The following DNPEP variants were observed in gnomAD, a reference collection of about 807,000 sequenced individuals.
DNPEP encodes aspartyl aminopeptidase.
DNPEP carries 46 observed loss-of-function variants against 59.1 expected under a neutral mutation model. The observed-to-expected ratio is 0.78, with a 90% CI of 0.61 to 0.99. DNPEP has a LOEUF of 0.99. Ranked by LOEUF, DNPEP falls within the 50% of genes least tolerant of loss-of-function variation. The pLI, the probability that DNPEP is intolerant of heterozygous loss-of-function variation, is 0.00. For missense variants in DNPEP, 617 were observed against 649.9 expected (o/e 0.95, Z 0.55); for synonymous variants, 229 against 242.2 (o/e 0.95, Z 0.50).
upstream of DNPEP, among the ~76,000 whole-genome samples, chr2:219,392,972 C>T (rs1954042232): frequency 6.6e-6 from 1 of 152,190 alleles, no homozygotes; most frequent in South Asian, 2.1e-4. Context: ...AAAACCCCAA[C>T]CCTGACTGCA....
At chr2:219,381,705 C>A (rs1408553927) in intron 11 of DNPEP, 121 bp from the exon 12 acceptor site, 1 of 1,175,714 alleles carries the variant, frequency 8.5e-7, no homozygotes, top group Non-Finnish European at 1.3e-6. Flanking sequence ...CCCAGTGGGA[C>A]TTCAGAGTCA....
In DNPEP at chr2:219,374,900, C is replaced by A. The variant is rs1953307956; in HGVS notation, c.1362G>T (p.Glu454Asp). Residue 454 changes from glutamate (E) to aspartate (D), a missense_variant, in exon 14 of 15, where the codon GAG becomes GAT. Transcript: ENST00000273075. ...GGAGGACTCCTGTGGTGCAGGCCAT[C>A]TCCCGGATAGAGTGCATGGCCAGTT... ...SPQLAMHSIR[E>D]MACTTGVLQT... is the part of the protein sequence containing the mutation. 6.2e-7 allele frequency: 1 copy of A among 1,614,106 alleles called. No homozygotes were observed. Among genetic ancestry groups the A allele is most frequent in the Non-Finnish European group, 8.5e-7 (1 of 1,180,048 alleles).
intron 13 of DNPEP, among the ~76,000 whole-genome samples, chr2:219,376,435 C>G (rs1014350873): frequency 6.7e-6 from 1 of 149,742 alleles, no homozygotes; most frequent in African/African-American, 2.5e-5. Flanking sequence ...TTGCAGTGAG[C>G]TGAGATTGCG....
intron 5 of DNPEP, 61 bp downstream of exon 5, chr2:219,386,225 C>T: frequency 6.2e-7 from 1 of 1,612,726 alleles, no homozygotes. Context: ...CACGGGTACC[C>T]TGAGGAGTGT....
intron 10 of DNPEP, among the ~76,000 whole-genome samples, chr2:219,382,602 C>T (rs980519938): frequency 6.6e-6 from 1 of 152,186 alleles, no homozygotes; most frequent in Middle Eastern, 3.2e-3. Context: ...GCCCTTAAAG[C>T]CAGGGGGTGT....
At chr2:219,381,918 G>T in intron 11 of DNPEP, 61 bp downstream of exon 11, 1 of 1,588,506 alleles carries the variant, frequency 6.3e-7, no homozygotes, top group South Asian at 1.1e-5. Flanking sequence ...AGAGCCTCAA[G>T]GCAGGTTATG....
intron 1 of DNPEP, among the ~76,000 whole-genome samples, chr2:219,398,240 G>A (rs922196434): frequency 2.6e-5 from 4 of 152,232 alleles, no homozygotes; most frequent in Non-Finnish European, 4.4e-5. Flanking sequence ...ATTTTGAACC[G>A]TGAGCAACTT....
chr2:219,381,723 C>T lies in DNPEP; in HGVS notation c.1098-139G>A, dbSNP rs1574979082. The T allele has an allele frequency of 3.7e-6, 4 of 1,071,852 alleles. No individual in the cohort carries two copies. The East Asian group carries it at 9.6e-5, about 26-fold the overall frequency. The allele number at this position is 1,071,852 out of a possible 1,614,324, so 66.4% of individuals were successfully genotyped here. A position where few individuals can be genotyped will look rare whatever the true frequency, so the allele number is the denominator to read the frequency against. ...AGTGGGACTTCAGAGTCATTCCACA[C>T]ACAGGGTTCCGGGCAGCCTCTAGCA... On this transcript the variant is annotated intron_variant, in intron 11 of 14. Transcript: ENST00000273075.
Position 219,373,259 on chromosome 2 carries a change from G to A in DNPEP, c.*1033C>T, listed in dbSNP as rs373584703. On this transcript the variant is annotated 3_prime_UTR_variant, in exon 15 of 15. Coordinates refer to ENST00000273075, the MANE Select transcript of DNPEP (RefSeq NM_012100.4). ...AATTTTGTATTTTTAGCAGGGACAGGGTTTCTCCATGTTGGTCAGGCTGGT... is the reference window on the plus strand; with the variant it reads ...AATTTTGTATTTTTAGCAGGGACAGAGTTTCTCCATGTTGGTCAGGCTGGT... Among the ~76,000 whole-genome samples the A allele has an allele frequency of 2.6e-5, 4 of 151,856 alleles. No homozygotes were observed. The East Asian group carries it at 7.7e-4, about 29-fold the overall frequency.
upstream of DNPEP, among the ~76,000 whole-genome samples, chr2:219,389,245 T>A (rs780575427): frequency 6.6e-6 from 1 of 152,116 alleles, no homozygotes; most frequent in Non-Finnish European, 1.5e-5. Context: ...GTAGCACGTT[T>A]AAACCCCATG....
At chr2:219,387,515 C>A in intron 1 of DNPEP, 1 of 1,440,728 alleles carries the variant, frequency 6.9e-7, no homozygotes, top group Non-Finnish European at 9.1e-7. Flanking sequence ...CGTGCGCGTA[C>A]CCAGCCCGGA....
chr2:219,374,999 G>A lies in DNPEP; in HGVS notation c.1263C>T (p.Thr421=). 1.2e-6 allele frequency: 2 copies of A among 1,614,062 alleles called. No individual in the cohort carries two copies. Among genetic ancestry groups the A allele is most frequent in the Non-Finnish European group, 1.7e-6 (2 of 1,180,024 alleles). Residue 421 remains threonine (T), a synonymous_variant, in exon 14 of 15, where the codon ACC becomes ACT. Coordinates refer to ENST00000273075, the MANE Select transcript of DNPEP (RefSeq NM_012100.4). ...PLQDLMVRND[T]PCGTTIGPIL... is the part of the protein sequence containing the mutation. ...TAGGTCCAATGGTGGTTCCACAGGG[G>A]GTGTCATTCCGGACCATGAGATCCT...
chr2:219,381,772 C>CA (rs955217147), intron 11 of DNPEP, 188 bp from the exon 12 acceptor site: 12 of 861,250 alleles, frequency 1.4e-5, no homozygotes, highest in Non-Finnish European at 2.0e-5. Context: ...AGTTTGTAGA[C>CA]AAAGGTGTAT....
At chr2:219,383,839 A>C (rs1219515649) in intron 9 of DNPEP, among the ~76,000 whole-genome samples, 3 of 152,222 alleles carry the variant, frequency 2.0e-5, no homozygotes, top group African/African-American at 7.2e-5. Flanking sequence ...GGAAAGGCAG[A>C]AAAAGGCAGA....
At chr2:219,387,663 C>T (rs1389932476) in intron 1 of DNPEP, 96 bp downstream of exon 1, 2 of 1,569,772 alleles carry the variant, frequency 1.3e-6, no homozygotes, top group Non-Finnish European at 1.7e-6. Flanking sequence ...TTGGGTCAGG[C>T]GGCCCCACTG....
intron 13 of DNPEP, 61 bp downstream of exon 13, chr2:219,381,274 T>C (rs1289629177): frequency 4.8e-6 from 7 of 1,451,640 alleles, no homozygotes; most frequent in Non-Finnish European, 6.8e-6. Context: ...GGGGGGCCCA[T>C]CTGTTTGTGC....
intron 13 of DNPEP, among the ~76,000 whole-genome samples, chr2:219,380,813 TATAC>T (rs1953561103): frequency 1.3e-5 from 1 of 78,828 alleles, no homozygotes; most frequent in African/African-American, 3.6e-5. Context: ...TCATGTGTTA[TATAC>T]ATACATGTAT....
Position 219,386,039 on chromosome 2 carries a change from G to A in DNPEP, c.519C>T (p.Arg173=). ...GCAGATGGATGGCCAGGTGTGGGAT[G>A]CGAAGAATGGGCCGCTCCACGTGCA... The part of the protein sequence containing the change: ...QLVHVERPIL[R]IPHLAIHLQR... The change falls in exon 6 of 15, where the codon CGC becomes CGT. Residue 173 remains arginine (R), a synonymous_variant. Transcript: ENST00000273075. 2.5e-6 allele frequency: 4 copies of A among 1,614,166 alleles called. No homozygotes were observed. Among genetic ancestry groups the A allele is most frequent in the Non-Finnish European group, 3.4e-6 (4 of 1,180,020 alleles).
chr2:219,374,997 G>A lies in DNPEP; in HGVS notation c.1265C>T (p.Pro422Leu), dbSNP rs200988234. 1.9e-6 allele frequency: 3 copies of A among 1,614,000 alleles called. No homozygotes were observed. The highest frequency in any genetic ancestry group is 1.7e-6 in the Non-Finnish European group (2 of 1,180,048). Residue 422 changes from proline (P) to leucine (L), a missense_variant, in exon 14 of 15, where the codon CCC (proline) becomes CTC (leucine). Pro to Leu is a moderately conservative substitution (Grantham distance 98, BLOSUM62 -3). Transcript: ENST00000273075. ...GATAGGTCCAATGGTGGTTCCACAG[G>A]GGGTGTCATTCCGGACCATGAGATC... ...LQDLMVRNDT[P>L]CGTTIGPILA...
Sources: gnomAD v4.1 joint callset for allele counts (sites outside exome capture counted in the v4.1 genomes callset) on GRCh38, gnomAD v4.1.1 for gene constraint, MANE v1.5 for transcripts, NCBI Gene and HGNC (gene_info 2026-07-23, HGNC 2026-07-21) for gene names.